The following PPP1R13B variants were observed in gnomAD, a reference collection of about 807,000 sequenced individuals.
The protein encoded by PPP1R13B is apoptosis-stimulating of p53 protein 1.
A neutral mutation model predicts 119.8 loss-of-function variants in PPP1R13B; 44 were observed. The observed-to-expected ratio is 0.37, with a 90% CI of 0.29 to 0.47. The LOEUF (loss-of-function observed/expected upper bound fraction) is 0.47, where lower values mean the gene tolerates loss of function less well. Among genes scored for constraint, PPP1R13B ranks in the 20% least tolerant of loss-of-function variants. The pLI is 0.99. For synonymous variants in PPP1R13B, 542 were observed against 561.5 expected (o/e 0.97, Z 0.49); for missense variants, 1,227 against 1,413.5 (o/e 0.87, Z 2.12).
intron 4 of PPP1R13B, among the ~76,000 whole-genome samples, chr14:103,761,901 T>C (rs775502614): frequency 6.6e-6 from 1 of 152,260 alleles, no homozygotes; most frequent in Non-Finnish European, 1.5e-5. Context: ...GAACAGACTC[T>C]GGTACAGATT....
At chr14:103,827,230 G>A (rs549914223) in intron 1 of PPP1R13B, among the ~76,000 whole-genome samples, 28 of 152,098 alleles carry the variant, frequency 1.8e-4, no homozygotes, top group African/African-American at 6.7e-4. Context: ...CAGCTACTCA[G>A]GAGGCTGAGG....
intron 2 of PPP1R13B, among the ~76,000 whole-genome samples, chr14:103,789,822 T>C (rs1756706933): frequency 1.3e-5 from 2 of 152,038 alleles, no homozygotes; most frequent in Non-Finnish European, 2.9e-5. Flanking sequence ...CCTGCAATTC[T>C]TGCTTAGTTA....
intron 1 of PPP1R13B, among the ~76,000 whole-genome samples, chr14:103,810,500 G>A (rs774753136): frequency 5.9e-5 from 9 of 152,120 alleles, no homozygotes; most frequent in Non-Finnish European, 1.3e-4. Context: ...TTGGCTGGGC[G>A]TGGTGGCTCA....
intron 15 of PPP1R13B, chr14:103,737,458 C>A: frequency 6.8e-6 from 3 of 438,314 alleles, no homozygotes; most frequent in Non-Finnish European, 1.2e-5. Flanking sequence ...AGCCTGTAGT[C>A]CCAGCTACTT....
At chr14:103,826,864 T>C (rs1183905335) in intron 1 of PPP1R13B, among the ~76,000 whole-genome samples, 1 of 148,752 alleles carries the variant, frequency 6.7e-6, no homozygotes, top group Non-Finnish European at 1.5e-5. Flanking sequence ...AAAAAAAAAT[T>C]AGCTGGGCGT....
intron 2 of PPP1R13B, 46 bp from the exon 3 acceptor site, chr14:103,784,960 C>G (rs1567121422): frequency 2.7e-6 from 4 of 1,487,722 alleles, no homozygotes; most frequent in Non-Finnish European, 3.6e-6. Flanking sequence ...TAAAATGACT[C>G]CAACCAAAAG....
intron 1 of PPP1R13B, among the ~76,000 whole-genome samples, chr14:103,827,659 T>C (rs1013480141): frequency 1.3e-5 from 2 of 148,920 alleles, no homozygotes; most frequent in African/African-American, 4.9e-5. Context: ...TATAATACTA[T>C]AGATATATAA....
At chr14:103,763,926 GGT>G (rs909650985) in intron 4 of PPP1R13B, 66 of 152,364 alleles carry the variant, frequency 4.3e-4, no homozygotes, top group African/African-American at 1.6e-3. Context: ...CCTGCTGTGA[GGT>G]TTTTGAGGTT....
At chr14:103,846,041 G>C (rs942269886) in intron 1 of PPP1R13B, among the ~76,000 whole-genome samples, 2 of 152,098 alleles carry the variant, frequency 1.3e-5, no homozygotes, top group Non-Finnish European at 2.9e-5. Context: ...ACTTCTTCAA[G>C]GTCACATAGC....
At chr14:103,847,591 G>C (rs1042875120), upstream of PPP1R13B, 1 of 985,476 alleles carries the variant, frequency 1.0e-6, no homozygotes, top group Non-Finnish European at 1.2e-6. Flanking sequence ...CCGCCCGCCC[G>C]GCTCGCTCTT....
intron 3 of PPP1R13B, among the ~76,000 whole-genome samples, chr14:103,784,562 G>A (rs1207342147): frequency 5.0e-5 from 6 of 119,416 alleles, no homozygotes; most frequent in Non-Finnish European, 9.7e-5. Flanking sequence ...CAGCCTGGGC[G>A]ACAGAGTGAG....
intron 1 of PPP1R13B, among the ~76,000 whole-genome samples, chr14:103,844,563 CTACAAAAA>C (rs2086984639): frequency 6.6e-6 from 1 of 151,818 alleles, no homozygotes; most frequent in Non-Finnish European, 1.5e-5. Flanking sequence ...AACCCTGTTT[CTACAAAAA>C]TACAAAAATT....
At chr14:103,806,388 GA>G (rs1176224887) in intron 1 of PPP1R13B, among the ~76,000 whole-genome samples, 2 of 152,102 alleles carry the variant, frequency 1.3e-5, no homozygotes, top group Non-Finnish European at 2.9e-5. Flanking sequence ...TAACTGAAGA[GA>G]AATAAGGTGA....
chr14:103,787,850 C>T (rs2085509187), intron 2 of PPP1R13B, among the ~76,000 whole-genome samples: 1 of 152,016 alleles, frequency 6.6e-6, no homozygotes, highest in Non-Finnish European at 1.5e-5. Flanking sequence ...TGGGATTTCA[C>T]TGTGTTAGCC....
At chr14:103,830,816 T>C (rs1055357660) in intron 1 of PPP1R13B, among the ~76,000 whole-genome samples, 5 of 152,298 alleles carry the variant, frequency 3.3e-5, no homozygotes, top group African/African-American at 1.2e-4. Context: ...ACCTAGGGTA[T>C]GGTTAAGCCA....
intron 4 of PPP1R13B, 36 bp from the exon 5 acceptor site, chr14:103,757,787 A>G: frequency 6.4e-7 from 1 of 1,552,920 alleles, no homozygotes; most frequent in Non-Finnish European, 8.9e-7. Flanking sequence ...ACATAAGTTT[A>G]TCTGCATAAT....
At position 103,746,547 on chromosome 14, in the gene PPP1R13B, G is replaced by T. The variant is rs780808224; in HGVS notation, c.976C>A (p.Arg326Ser). 9 of 1,586,986 alleles carry T rather than the reference G, an allele frequency of 5.7e-6. No homozygotes were observed. The highest frequency in any genetic ancestry group is 6.0e-6 in the Non-Finnish European group (7 of 1,164,118). Residue 326 changes from arginine (R) to serine (S), a missense_variant, in exon 9 of 17, where the codon CGT (arginine) becomes AGT (serine). Physicochemically the swap from Arg to Ser is moderately radical, Grantham distance 110. Coordinates refer to ENST00000202556, the MANE Select transcript of PPP1R13B (RefSeq NM_015316.3). ...TGTGGTGATGACGTGCCATTCACAC[G>T]GTTCAGCTACAAATTGGGAAGAAAT... ...RLYGKKIQLN[R>S]VNGTSSPQSP...
At chr14:103,767,277 G>A (rs12878677) in intron 4 of PPP1R13B, among the ~76,000 whole-genome samples, 212 of 152,184 alleles carry the variant, frequency 1.4e-3, no homozygotes, top group Admixed American at 4.9e-3. Flanking sequence ...TTGCACCACT[G>A]TACTCCAGCC....
intron 1 of PPP1R13B, among the ~76,000 whole-genome samples, chr14:103,833,044 A>G (rs56064032): frequency 0.034 from 5,196 of 152,268 alleles, 268 homozygotes; most frequent in African/African-American, 0.11. Flanking sequence ...GCAGATAAAA[A>G]CGTTCTGGAG....
Sources: gnomAD v4.1 joint callset for allele counts (sites outside exome capture counted in the v4.1 genomes callset) on GRCh38, gnomAD v4.1.1 for gene constraint, MANE v1.5 for transcripts, NCBI Gene and HGNC (gene_info 2026-07-23, HGNC 2026-07-21) for gene names.